AIM2: variants seen among roughly 807,000 people sequenced by gnomAD.
AIM2 encodes the protein absent in melanoma 2, also known as interferon-inducible protein AIM2.
AIM2 carries 30 observed loss-of-function variants against 27.7 expected under a neutral mutation model. The ratio of observed to expected loss-of-function variants is 1.08; its 90% CI spans 0.81 to 1.47. AIM2 has a LOEUF of 1.47. AIM2 is among the 40% of genes most tolerant of loss of function. The pLI is 0.00. For synonymous variants in AIM2, 141 were observed against 145.3 expected (o/e 0.97, Z 0.21); for missense variants, 358 against 411.3 (o/e 0.87, Z 1.12).
intron 3 of AIM2, among the ~76,000 whole-genome samples, chr1:159,067,718 C>T (rs1239086047): frequency 6.6e-6 from 1 of 152,056 alleles, no homozygotes; most frequent in Non-Finnish European, 1.5e-5. Flanking sequence ...TGGGCCAAAC[C>T]CAGAGGAAAT....
chr1:159,122,382 C>T (rs972391555), intron 1 of AIM2: 1 of 152,078 alleles, frequency 6.6e-6, no homozygotes, highest in African/African-American at 2.4e-5. Context: ...AGTAAGCTGA[C>T]AAGAAAAAGC....
chr1:159,062,693 T>G lies in AIM2; in HGVS notation c.1031A>C (p.Ter344SerextTer16). 2 of 1,613,494 alleles carry G rather than the reference T, an allele frequency of 1.2e-6. No individual in the cohort carries two copies. Among genetic ancestry groups the G allele is most frequent in the Non-Finnish European group, 1.7e-6 (2 of 1,179,750 alleles). Residue 344 changes from the stop codon to serine (S), a stop_lost, in exon 6 of 6, where the codon TAG becomes TCG. Coordinates refer to ENST00000368130, the MANE Select transcript of AIM2 (RefSeq NM_004833.3). ...IKVIKAKKKT[*>S] ...CTTGAATTGGTCCTTTTTACTTCTC[T>G]ATGTTTTTTTTTTGGCCTTAATAAC... is the stretch of plus-strand genomic sequence containing the variant.
In AIM2 at chr1:159,062,595, T is replaced by C; in HGVS notation, c.*97A>G. 1 of 1,196,422 alleles carries C rather than the reference T, an allele frequency of 8.4e-7. No individual in the cohort carries two copies. Among genetic ancestry groups the C allele is most frequent in the Admixed American group, 1.9e-5 (1 of 51,354 alleles). The allele number at this position is 1,196,422 out of a possible 1,614,324, so 74.1% of individuals were successfully genotyped here. ...GAGAGGAGCCTGTGAACTGCAGCTT[T>C]CAGGTAACTTACAATCTGATTGAAG... On this transcript the variant is annotated 3_prime_UTR_variant, in exon 6 of 6. Coordinates refer to ENST00000368130, the MANE Select transcript of AIM2 (RefSeq NM_004833.3).
intron 3 of AIM2, among the ~76,000 whole-genome samples, chr1:159,067,078 G>A (rs1303249926): frequency 6.6e-6 from 1 of 152,120 alleles, no homozygotes; most frequent in African/African-American, 2.4e-5. Context: ...AGATTACTGT[G>A]CAAATATTAA....
At chr1:159,067,229 A>G (rs1656142695) in intron 3 of AIM2, among the ~76,000 whole-genome samples, 1 of 152,202 alleles carries the variant, frequency 6.6e-6, no homozygotes. Flanking sequence ...ATATTTACCA[A>G]CATCAATGTA....
At chr1:159,083,284 G>C (rs141922628) in intron 1 of AIM2, among the ~76,000 whole-genome samples, 48 of 152,244 alleles carry the variant, frequency 3.2e-4, no homozygotes, top group African/African-American at 1.0e-3. Context: ...TTCCAACAAT[G>C]TAAGAAAAGA....
intron 1 of AIM2, among the ~76,000 whole-genome samples, chr1:159,098,909 A>G (rs1657257307): frequency 6.6e-6 from 1 of 152,162 alleles, no homozygotes; most frequent in African/African-American, 2.4e-5. Flanking sequence ...AAAAAACAGG[A>G]TAACAAAAAG....
intron 3 of AIM2, among the ~76,000 whole-genome samples, chr1:159,067,308 T>G (rs1263769620): frequency 6.6e-6 from 1 of 152,234 alleles, no homozygotes; most frequent in Non-Finnish European, 1.5e-5. Context: ...TTTTCTGAAT[T>G]AACAGAGATA....
upstream of AIM2, among the ~76,000 whole-genome samples, chr1:159,145,149 A>T (rs887470380): frequency 1.3e-5 from 2 of 152,118 alleles, no homozygotes; most frequent in Admixed American, 1.3e-4. Context: ...GGAAGGCTGG[A>T]AAAGGTGCTT....
chr1:159,063,635 C>T lies in AIM2; in HGVS notation c.856G>A (p.Asp286Asn). The change falls in exon 5 of 6, where the codon GAC becomes AAC. Residue 286 changes from aspartate to asparagine, a missense_variant. By Grantham distance (23) the Asp-to-Asn change is conservative. Coordinates refer to ENST00000368130, the MANE Select transcript of AIM2 (RefSeq NM_004833.3). ...KKKNILFDLS[D>N]NTGKMEVLGV... ...AGTACTTCCATTTTCCCAGTGTTGT[C>T]ACTTAGGTCAAATAATATGTTTTTC... 6.2e-7 allele frequency: 1 copy of T among 1,613,936 alleles called. No homozygotes were observed. Among genetic ancestry groups the T allele is most frequent in the Non-Finnish European group, 8.5e-7 (1 of 1,179,942 alleles).
chr1:159,132,972 G>C (rs1647931954), intron 1 of AIM2, among the ~76,000 whole-genome samples: 1 of 152,140 alleles, frequency 6.6e-6, no homozygotes, highest in Non-Finnish European at 1.5e-5. Flanking sequence ...AAAGAAGAAG[G>C]ATAGCCACTG....
chr1:159,060,414 T>C (rs1655794405), downstream of AIM2, among the ~76,000 whole-genome samples: 1 of 152,242 alleles, frequency 6.6e-6, no homozygotes, highest in African/African-American at 2.4e-5. Flanking sequence ...ATGTTTTCCA[T>C]GTTTATCATG....
At chr1:159,145,369 A>G (rs1447469375), upstream of AIM2, among the ~76,000 whole-genome samples, 1 of 152,142 alleles carries the variant, frequency 6.6e-6, no homozygotes, top group Non-Finnish European at 1.5e-5. Context: ...TAAAGCATTT[A>G]TGTTCCCAAG....
intron 4 of AIM2, among the ~76,000 whole-genome samples, chr1:159,065,161 T>C (rs1266479130): frequency 6.6e-6 from 1 of 152,178 alleles, no homozygotes; most frequent in Non-Finnish European, 1.5e-5. Context: ...TATGGTTCTT[T>C]AGGTCCTGCC....
chr1:159,115,267 T>C (rs112831632), intron 1 of AIM2, among the ~76,000 whole-genome samples: 1 of 152,134 alleles, frequency 6.6e-6, no homozygotes, highest in Non-Finnish European at 1.5e-5. Flanking sequence ...CCCAAGGTAA[T>C]TTATAGATTC....
chr1:159,146,758 C>T (rs1299241068), intron 1 of AIM2, among the ~76,000 whole-genome samples: 1 of 152,158 alleles, frequency 6.6e-6, no homozygotes, highest in Admixed American at 6.5e-5. Flanking sequence ...CCTCAAGGCA[C>T]TCTGAGCTTC....
intron 1 of AIM2, among the ~76,000 whole-genome samples, chr1:159,107,843 G>A (rs1195589286): frequency 6.6e-6 from 1 of 152,114 alleles, no homozygotes. Flanking sequence ...AACTCTCCTA[G>A]ATTAAATCAG....
At chr1:159,140,886 C>G (rs1459753357), upstream of AIM2, among the ~76,000 whole-genome samples, 1 of 152,116 alleles carries the variant, frequency 6.6e-6, no homozygotes, top group African/African-American at 2.4e-5. Flanking sequence ...TGAAGTCTGT[C>G]CTACAAACAG....
chr1:159,100,291 T>C (rs979516311), intron 1 of AIM2, among the ~76,000 whole-genome samples: 2 of 152,238 alleles, frequency 1.3e-5, no homozygotes, highest in Non-Finnish European at 2.9e-5. Context: ...AAAATCTATC[T>C]GGTCACCTTA....
Sources: allele counts gnomAD v4.1 joint callset (sites outside exome capture counted in the v4.1 genomes callset), GRCh38; gene constraint gnomAD v4.1.1; transcripts MANE v1.5; gene names NCBI Gene and HGNC (gene_info 2026-07-23, HGNC 2026-07-21).